The following DNAH8 variants were observed in gnomAD, a reference collection of about 807,000 sequenced individuals.
The protein encoded by DNAH8 is dynein axonemal heavy chain 8.
In DNAH8, 382 loss-of-function variants were observed where a neutral mutation model predicts 562.1. The ratio of observed to expected loss-of-function variants is 0.68; its 90% CI spans 0.63 to 0.74. The LOEUF (loss-of-function observed/expected upper bound fraction) is 0.74, where lower values mean the gene tolerates loss of function less well. Among genes scored for constraint, DNAH8 ranks in the 30% least tolerant of loss-of-function variants. The pLI is 0.00. For missense variants in DNAH8, 5,203 were observed against 5,620.4 expected (o/e 0.93, Z 2.37); for synonymous variants, 1,881 against 1,919.4 (o/e 0.98, Z 0.52).
At chr6:38,786,448 A>C (rs1769167568) in intron 17 of DNAH8, among the ~76,000 whole-genome samples, 1 of 152,222 alleles carries the variant, frequency 6.6e-6, no homozygotes, top group African/African-American at 2.4e-5. Context: ...TGAAGTCATA[A>C]TCCATAAGAT....
Position 38,737,088 on chromosome 6 carries a change from G to A in DNAH8, c.784G>A (p.Asp262Asn). ...TCAGGAAGCGCTCTTTACTGTTCTGGATGCGTCGAAAGGACTCTTAAATGG... is the reference window on the plus strand; with the variant it reads ...TCAGGAAGCGCTCTTTACTGTTCTGAATGCGTCGAAAGGACTCTTAAATGG... Reference protein sequence around the residue: ...IQEEALFTVLDASKGLLNGIR... With the variant: ...IQEEALFTVLNASKGLLNGIR... Residue 262 changes from aspartate to asparagine, a missense_variant, in exon 6 of 93, where the codon GAT becomes AAT. Coordinates refer to ENST00000327475, the MANE Select transcript of DNAH8 (RefSeq NM_001206927.2). The A allele has an allele frequency of 1.3e-6, 2 of 1,562,880 alleles. No homozygotes were observed. Among genetic ancestry groups the A allele is most frequent in the Non-Finnish European group, 8.6e-7 (1 of 1,161,126 alleles).
chr6:38,810,391 A>G (rs1401240006), intron 24 of DNAH8, among the ~76,000 whole-genome samples: 1 of 152,204 alleles, frequency 6.6e-6, no homozygotes, highest in Non-Finnish European at 1.5e-5. Context: ...CAGGAGTTTG[A>G]GACCAGCGTG....
chr6:39,008,857 AACATTCAACCC>A lies in DNAH8; in HGVS notation c.13260_13270del (p.Asn4420LysfsTer17), dbSNP rs756763233. 6.2e-7 allele frequency: 1 copy of A among 1,608,150 alleles called. No individual in the cohort carries two copies. The highest frequency in any genetic ancestry group is 1.3e-5 in the African/African-American group (1 of 74,858). On this transcript the variant is annotated frameshift_variant, in exon 89 of 93. Coordinates refer to ENST00000327475, the MANE Select transcript of DNAH8 (RefSeq NM_001206927.2). LOFTEE classifies it high-confidence loss of function. ...TTCTGCTGTTCTTGAAACAATTACCAACATTCAACCCAAAGAGAGTGGAGGTGGTGTGGGAG... is the reference window on the plus strand; with the variant it reads ...TTCTGCTGTTCTTGAAACAATTACCAAAAGAGAGTGGAGGTGGTGTGGGAG...
At chr6:38,740,610 GT>G (rs948334797) in intron 7 of DNAH8, among the ~76,000 whole-genome samples, 5 of 150,404 alleles carry the variant, frequency 3.3e-5, no homozygotes, top group African/African-American at 9.8e-5. Context: ...TAGTCTTTTT[GT>G]TTTTTTTTCT....
rs1361689900 is a variant in DNAH8 at position 38,938,961 on chromosome 6, C to T, written c.11980C>T (p.His3994Tyr). 2.5e-6 allele frequency: 4 copies of T among 1,613,278 alleles called. No homozygotes were observed. The East Asian group carries it at 8.9e-5, about 36-fold the overall frequency. ...KIDLQRGTVKHREFQALIKGG... is the reference protein window; with the variant it reads ...KIDLQRGTVKYREFQALIKGG... ...TGACCTTCAGAGAGGGACAGTTAAG[C>T]ACAGAGAGTTTCAAGCTCTCATTAA... Residue 3994 changes from histidine to tyrosine, a missense_variant, in exon 79 of 93, where the codon CAC becomes TAC. Physicochemically the swap from His to Tyr is moderately conservative, Grantham distance 83. This residue lies in a region of DNAH8 where 1,399 missense variants were observed against 1,518.4 expected (regional missense o/e 0.92). Coordinates refer to ENST00000327475, the MANE Select transcript of DNAH8 (RefSeq NM_001206927.2).
intron 68 of DNAH8, among the ~76,000 whole-genome samples, chr6:38,916,749 C>G (rs189473198): frequency 1.3e-5 from 2 of 152,230 alleles, no homozygotes; most frequent in East Asian, 3.9e-4. Flanking sequence ...CCAAACCCAG[C>G]CAATGGATAG....
chr6:38,959,709 A>G (rs1043892814), intron 82 of DNAH8, among the ~76,000 whole-genome samples: 1 of 152,136 alleles, frequency 6.6e-6, no homozygotes, highest in Non-Finnish European at 1.5e-5. Context: ...CAATCTGCAG[A>G]TTCACATGCA....
intron 62 of DNAH8, among the ~76,000 whole-genome samples, chr6:38,900,724 TCTCTTGCCTCAG>T (rs1279084586): frequency 1.3e-5 from 2 of 152,164 alleles, no homozygotes; most frequent in Non-Finnish European, 2.9e-5. Context: ...TTCAAGCGAT[TCTCTTGCCTCAG>T]CTCACGAGTA....
Position 39,007,947 on chromosome 6 carries a change from CCA to C in DNAH8, c.13215-852_13215-851del, listed in dbSNP as rs67673406. The stretch of plus-strand genomic sequence containing the variant: ...ATACAGCGCCCCACCCCCCACCCAC[CCA>C]CACACACACACACATTTCTACTCAA... On this transcript the variant is annotated intron_variant, in intron 88 of 92. Transcript: ENST00000327475. 4.5e-4 allele frequency among the ~76,000 whole-genome samples: 54 copies of C among 120,170 alleles called. 1 individual carries two copies. The highest frequency in any genetic ancestry group is 1.4e-3 in the African/African-American group (43 of 31,702). 78.8% of individuals were successfully genotyped at this position (120,170 alleles called of 152,430 possible). A position where few individuals can be genotyped will look rare whatever the true frequency, so the allele number is the denominator to read the frequency against.
rs529027235 is a variant in DNAH8, at chr6:38,750,853, C to T, written c.1407+264C>T. On this transcript the variant is annotated intron_variant, in intron 9 of 92. Coordinates refer to ENST00000327475, the MANE Select transcript of DNAH8 (RefSeq NM_001206927.2). The stretch of plus-strand genomic sequence containing the variant: ...TTAATATGTGTATATTGGGGAAAAA[C>T]ATCCTGCCAAAAGTTATTTAAAATA... 2.1e-4 allele frequency among the ~76,000 whole-genome samples: 32 copies of T among 152,234 alleles called. No homozygotes were observed. The South Asian group carries it at 4.6e-3, about 22-fold the overall frequency.
chr6:38,836,866 G>A (rs1255413628), intron 32 of DNAH8, among the ~76,000 whole-genome samples: 1 of 151,862 alleles, frequency 6.6e-6, no homozygotes, highest in African/African-American at 2.4e-5. Flanking sequence ...TGCTGTGGGT[G>A]TTTTTATGTT....
At chr6:38,837,893 T>C (rs756880810) in intron 32 of DNAH8, 49 bp from the exon 33 acceptor site, 1 of 1,266,380 alleles carries the variant, frequency 7.9e-7, no homozygotes, top group Non-Finnish European at 1.1e-6. Context: ...CCACTTTAAT[T>C]CTACTGAATT....
intron 91 of DNAH8, among the ~76,000 whole-genome samples, chr6:39,019,310 C>G (rs1766755713): frequency 6.6e-6 from 1 of 152,126 alleles, no homozygotes; most frequent in South Asian, 2.1e-4. Flanking sequence ...GGTGATGGAG[C>G]ATAGGTAGGC....
intron 21 of DNAH8, among the ~76,000 whole-genome samples, chr6:38,795,581 G>GAA (rs1554212768): frequency 1.3e-4 from 17 of 128,052 alleles, no homozygotes; most frequent in South Asian, 2.7e-4. Flanking sequence ...CTGTGTCTCA[G>GAA]AAAAAAAAAA....
At chr6:38,876,823 A>G (rs1314279711) in intron 53 of DNAH8, among the ~76,000 whole-genome samples, 4 of 152,200 alleles carry the variant, frequency 2.6e-5, no homozygotes, top group Non-Finnish European at 5.9e-5. Flanking sequence ...AGACTTGGGG[A>G]CACCAGGCAC....
chr6:38,942,852 G>A (rs1783572544), intron 79 of DNAH8, among the ~76,000 whole-genome samples: 1 of 152,184 alleles, frequency 6.6e-6, no homozygotes, highest in African/African-American at 2.4e-5. Context: ...CTACCAACCA[G>A]GCAGACCAGA....
intron 58 of DNAH8, 88 bp downstream of exon 58, chr6:38,890,849 A>T: frequency 1.1e-6 from 1 of 899,536 alleles, no homozygotes. Flanking sequence ...TTATCATAAT[A>T]TCATATATAG....
At chr6:38,802,079 C>A (rs1003852304) in intron 21 of DNAH8, among the ~76,000 whole-genome samples, 1 of 151,556 alleles carries the variant, frequency 6.6e-6, no homozygotes, top group Non-Finnish European at 1.5e-5. Flanking sequence ...ACCACAGGCA[C>A]GCACCACCAT....
Position 38,866,661 on chromosome 6 carries a change from T to C in DNAH8, c.6569T>C (p.Met2190Thr). 1 of 1,612,688 alleles carries C rather than the reference T, an allele frequency of 6.2e-7. No individual in the cohort carries two copies. The highest frequency in any genetic ancestry group is 1.1e-5 in the South Asian group (1 of 90,546). ...LKIQFRTVAM[M>T]VPDRQIIMRV... ...ATCCAGTTTAGAACTGTTGCTATGA[T>C]GGTTCCTGATAGACAGGTATGCACT... The change falls in exon 46 of 93, where the codon ATG (methionine) becomes ACG (threonine). Residue 2190 changes from methionine to threonine, a missense_variant. Physicochemically the swap from Met to Thr is moderately conservative, Grantham distance 81. Coordinates refer to ENST00000327475, the MANE Select transcript of DNAH8 (RefSeq NM_001206927.2).
Sources: gnomAD v4.1 joint callset for allele counts (sites outside exome capture counted in the v4.1 genomes callset) on GRCh38, gnomAD v4.1.1 for gene constraint, gnomAD v4.1.1 regional missense constraint, MANE v1.5 for transcripts, NCBI Gene and HGNC (gene_info 2026-07-23, HGNC 2026-07-21) for gene names.